The following IARS1 variants were observed in gnomAD, a reference collection of about 807,000 sequenced individuals.
The protein encoded by IARS1 is isoleucyl-tRNA synthetase 1.
In IARS1, 124 loss-of-function variants were observed where a neutral mutation model predicts 168.2. The observed-to-expected ratio is 0.74, with a 90% CI of 0.64 to 0.86. The LOEUF (loss-of-function observed/expected upper bound fraction) is 0.86. IARS1 is among the 40% of genes least tolerant of loss of function. The pLI is 0.00. For synonymous variants in IARS1, 532 were observed against 529.4 expected (o/e 1.00, Z -0.07); for missense variants, 1,452 against 1,515.8 (o/e 0.96, Z 0.70).
intron 33 of IARS1, among the ~76,000 whole-genome samples, chr9:92,215,022 G>A (rs938111645): frequency 6.6e-6 from 1 of 152,194 alleles, no homozygotes; most frequent in Non-Finnish European, 1.5e-5. Flanking sequence ...AAATGTCCCT[G>A]TCTGACAGCT....
intron 1 of IARS1, among the ~76,000 whole-genome samples, chr9:92,289,810 TA>T (rs1456499037): frequency 5.9e-5 from 9 of 152,348 alleles, no homozygotes; most frequent in Non-Finnish European, 1.3e-4. Context: ...GAATCATCTA[TA>T]TGTGGCCTAT....
At chr9:92,272,423 C>T (rs919117851) in intron 10 of IARS1, among the ~76,000 whole-genome samples, 1 of 152,222 alleles carries the variant, frequency 6.6e-6, no homozygotes, top group African/African-American at 2.4e-5. Flanking sequence ...GTGCATTAAG[C>T]TAAGAGCAGC....
intron 22 of IARS1, chr9:92,251,266 A>G (rs1829976214): frequency 2.3e-6 from 1 of 431,866 alleles, no homozygotes; most frequent in Admixed American, 2.6e-5. Context: ...CGGTTAAGGA[A>G]TAAATAGGAG....
intron 15 of IARS1, 94 bp downstream of exon 15, chr9:92,265,386 A>T: frequency 8.8e-7 from 1 of 1,137,612 alleles, no homozygotes; most frequent in Non-Finnish European, 1.3e-6. Flanking sequence ...TCAGCAAGCT[A>T]GTCACTTCCA....
chr9:92,224,512 T>C (rs1311613468), intron 31 of IARS1, among the ~76,000 whole-genome samples: 2 of 152,150 alleles, frequency 1.3e-5, no homozygotes, highest in South Asian at 2.1e-4. Flanking sequence ...TGGACAGATC[T>C]CTACAAATGG....
chr9:92,268,313 G>T lies in IARS1; in HGVS notation c.1305-13C>A, dbSNP rs754451628. On this transcript the variant is annotated splice_polypyrimidine_tract_variant and intron_variant, in intron 13 of 33. Transcript: ENST00000443024. Reference sequence around the variant, plus strand: ...CAACTCTGGGACCCTGCAATAAACAGATCACATAACCAATCACATAAAAAT... The same window carrying T: ...CAACTCTGGGACCCTGCAATAAACATATCACATAACCAATCACATAAAAAT... 1 of 1,605,354 alleles carries T rather than the reference G, an allele frequency of 6.2e-7. No homozygotes were observed. Among genetic ancestry groups the T allele is most frequent in the Non-Finnish European group, 8.5e-7 (1 of 1,177,884 alleles).
intron 7 of IARS1, among the ~76,000 whole-genome samples, chr9:92,279,988 C>T (rs1834307323): frequency 6.6e-6 from 1 of 152,134 alleles, no homozygotes; most frequent in African/African-American, 2.4e-5. Context: ...CTTTTTTAGG[C>T]TGAATAATAT....
chr9:92,240,776 C>T (rs201460676), intron 30 of IARS1, 80 bp downstream of exon 30: 132 of 794,190 alleles, frequency 1.7e-4, no homozygotes, highest in Non-Finnish European at 2.8e-4. Context: ...TAAAAACATC[C>T]ATAAGTTTTT....
intron 20 of IARS1, 178 bp downstream of exon 20, chr9:92,256,502 G>T: frequency 1.8e-6 from 1 of 566,804 alleles, no homozygotes; most frequent in Non-Finnish European, 2.8e-6. Flanking sequence ...AAGTCCCCAG[G>T]GTCTTGAAAC....
At position 92,258,843 on chromosome 9, in the gene IARS1, A is replaced by G; in HGVS notation, c.2016+11T>C. The G allele has an allele frequency of 1.3e-6, 2 of 1,597,366 alleles. No individual in the cohort carries two copies. Among genetic ancestry groups the G allele is most frequent in the Non-Finnish European group, 1.7e-6 (2 of 1,173,734 alleles). On this transcript the variant is annotated intron_variant, in intron 19 of 33. Coordinates refer to ENST00000443024, the MANE Select transcript of IARS1 (RefSeq NM_002161.6). ...ACGGCAGGTACATGTGCAGCCCCCT[A>G]CAGCCCATACCTTCTGGAGCCTCAG...
chr9:92,218,921 C>T (rs1384918810), intron 33 of IARS1, among the ~76,000 whole-genome samples: 4 of 152,176 alleles, frequency 2.6e-5, no homozygotes, highest in Non-Finnish European at 5.9e-5. Flanking sequence ...GAAAAAACTA[C>T]TTTAAAGTTC....
chr9:92,256,769 T>C lies in IARS1; in HGVS notation c.2048A>G (p.Asn683Ser), dbSNP rs148166172. The part of the protein sequence containing the change: ...EEEIEFLYNE[N>S]TVRESPNITD... ...AATGTTGGGGCTTTCTCTAACCGTG[T>C]TCTCATTGTAGAGAAATTCTATTTC... Residue 683 changes from asparagine to serine, a missense_variant, in exon 20 of 34, where the codon AAC becomes AGC. Physicochemically the swap from Asn to Ser is conservative, Grantham distance 46. Transcript: ENST00000443024. 2.1e-4 allele frequency: 338 copies of C among 1,613,384 alleles called. No homozygotes were observed. Among genetic ancestry groups the C allele is most frequent in the Non-Finnish European group, 2.6e-4 (306 of 1,179,526 alleles).
At position 92,258,956 on chromosome 9, in the gene IARS1, G is replaced by T. The variant is rs1348700711; in HGVS notation, c.1914C>A (p.Leu638=). 4 of 1,613,708 alleles carry T rather than the reference G, an allele frequency of 2.5e-6. No individual in the cohort carries two copies. Among genetic ancestry groups the T allele is most frequent in the Non-Finnish European group, 3.4e-6 (4 of 1,179,898 alleles). ...INSPVVRAEN[L]RFKEEGVRDV... ...CCCGCACACCCTCTTCTTTAAAGCGGAGGTTTTCTGCTCTCACCACAGGGG... is the reference window on the plus strand; with the variant it reads ...CCCGCACACCCTCTTCTTTAAAGCGTAGGTTTTCTGCTCTCACCACAGGGG... Residue 638 remains leucine, a synonymous_variant, in exon 19 of 34, where the codon CTC becomes CTA. Coordinates refer to ENST00000443024, the MANE Select transcript of IARS1 (RefSeq NM_002161.6).
chr9:92,241,999 A>G (rs1179699706), intron 29 of IARS1, among the ~76,000 whole-genome samples, 155 bp downstream of exon 29: 2 of 151,560 alleles, frequency 1.3e-5, no homozygotes, highest in East Asian at 3.9e-4. Context: ...CTGAGCTTCC[A>G]CTCTCTGACT....
chr9:92,272,859 CAAAACAAAA>C (rs1377670986), intron 10 of IARS1, among the ~76,000 whole-genome samples: 1 of 33,828 alleles, frequency 3.0e-5, no homozygotes, highest in Non-Finnish European at 6.1e-5. Context: ...TCAAACAAAA[CAAAACAAAA>C]AAAAAAAAAA....
In IARS1 at chr9:92,247,488, C is replaced by T. The variant is rs1382045998; in HGVS notation, c.2680G>A (p.Ala894Thr). Residue 894 changes from alanine to threonine, a missense_variant, in exon 26 of 34, where the codon GCA becomes ACA. Ala to Thr is a moderately conservative substitution (Grantham distance 58, BLOSUM62 0). Transcript: ENST00000443024. Reference sequence around the variant, plus strand: ...CCCAGGACCATGTGATCTGGTTCTGCCCTTAGCCGAATGCCATACTTGTTT... The same window carrying T: ...CCCAGGACCATGTGATCTGGTTCTGTCCTTAGCCGAATGCCATACTTGTTT... The part of the protein sequence containing the change: ...DKNKYGIRLR[A>T]EPDHMVLGKR... 6.2e-7 allele frequency: 1 copy of T among 1,614,132 alleles called. No individual in the cohort carries two copies. Among genetic ancestry groups the T allele is most frequent in the Admixed American group, 1.7e-5 (1 of 60,022 alleles).
chr9:92,219,082 C>T (rs1238075119), intron 33 of IARS1, among the ~76,000 whole-genome samples: 1 of 152,130 alleles, frequency 6.6e-6, no homozygotes, highest in Admixed American at 6.5e-5. Flanking sequence ...AGATATAGAT[C>T]AATGGAACAG....
chr9:92,289,477 C>G, intron 1 of IARS1, 51 bp from the exon 2 acceptor site: 1 of 816,680 alleles, frequency 1.2e-6, no homozygotes, highest in South Asian at 1.4e-5. Context: ...CTAGGAATAA[C>G]AGAGTACCAT....
chr9:92,234,314 G>C (rs552395166), intron 30 of IARS1, among the ~76,000 whole-genome samples: 1 of 152,158 alleles, frequency 6.6e-6, no homozygotes. Context: ...CAGATTTAGC[G>C]ATGATTTGTA....
Sources: allele counts gnomAD v4.1 joint callset (sites outside exome capture counted in the v4.1 genomes callset), GRCh38; gene constraint gnomAD v4.1.1; transcripts MANE v1.5; gene names NCBI Gene and HGNC (gene_info 2026-07-23, HGNC 2026-07-21).